ZNF804B: variants seen among roughly 807,000 people sequenced by gnomAD.
ZNF804B encodes the protein zinc finger protein 804B, also known as zinc finger 804B.
ZNF804B carries 80 observed loss-of-function variants against 101.4 expected under a neutral mutation model. That is an observed-to-expected ratio of 0.79 (90% CI 0.66 to 0.95). The LOEUF is 0.95. Ranked by LOEUF, ZNF804B falls within the 40% of genes least tolerant of loss-of-function variation. The pLI is 0.00. For synonymous variants in ZNF804B, 622 were observed against 558.8 expected (o/e 1.11, Z -1.59); for missense variants, 1,673 against 1,561.9 (o/e 1.07, Z -1.20).
intron 1 of ZNF804B, among the ~76,000 whole-genome samples, chr7:88,868,316 A>C (rs1406435306): frequency 4.6e-5 from 7 of 152,062 alleles, no homozygotes; most frequent in Admixed American, 3.9e-4. Context: ...TCATGAACCA[A>C]CTGGGCTATG....
At chr7:88,763,670 C>T (rs28709170) in intron 1 of ZNF804B, among the ~76,000 whole-genome samples, 3,427 of 151,896 alleles carry the variant, frequency 0.023, 118 homozygotes, top group African/African-American at 0.078. Flanking sequence ...TACCTATCCC[C>T]GACTCTATCT....
At chr7:88,935,503 G>C (rs528763024) in intron 1 of ZNF804B, among the ~76,000 whole-genome samples, 1 of 151,830 alleles carries the variant, frequency 6.6e-6, no homozygotes, top group Non-Finnish European at 1.5e-5. Flanking sequence ...GGGCAACATG[G>C]TGAGACCTCA....
At chr7:89,259,176 C>G (rs560399831) in intron 2 of ZNF804B, among the ~76,000 whole-genome samples, 204 of 152,302 alleles carry the variant, frequency 1.3e-3, no homozygotes, top group Non-Finnish European at 1.9e-3. Context: ...TCTTCCTCAT[C>G]ATCTAGCTGT....
chr7:88,869,600 A>G (rs545555666), intron 1 of ZNF804B, among the ~76,000 whole-genome samples: 2 of 152,260 alleles, frequency 1.3e-5, no homozygotes, highest in South Asian at 4.1e-4. Context: ...TTTTAACCAA[A>G]TATATATCAA....
chr7:88,809,342 TCTATCTATCTATCTAC>T (rs1228319160), intron 1 of ZNF804B, among the ~76,000 whole-genome samples: 106 of 138,908 alleles, frequency 7.6e-4, no homozygotes, highest in African/African-American at 2.5e-3. Flanking sequence ...TATCTATCTA[TCTATCTATCTATCTAC>T]CTATCTATCT....
chr7:88,885,152 GT>G (rs1390183791), intron 1 of ZNF804B, among the ~76,000 whole-genome samples: 1 of 151,880 alleles, frequency 6.6e-6, no homozygotes, highest in Non-Finnish European at 1.5e-5. Flanking sequence ...GTAAAATTCA[GT>G]TTATGTACTA....
intron 1 of ZNF804B, among the ~76,000 whole-genome samples, chr7:89,171,445 C>A (rs1217293101): frequency 6.7e-6 from 1 of 150,098 alleles, no homozygotes; most frequent in African/African-American, 2.5e-5. Flanking sequence ...TCTCCTTCTT[C>A]TTCTTCTTCG....
At chr7:89,053,068 A>G (rs937640167) in intron 1 of ZNF804B, among the ~76,000 whole-genome samples, 1 of 152,164 alleles carries the variant, frequency 6.6e-6, no homozygotes, top group Non-Finnish European at 1.5e-5. Flanking sequence ...AATTTAATTC[A>G]GGTATAATTA....
At chr7:89,290,918 T>C (rs1790278807) in intron 2 of ZNF804B, among the ~76,000 whole-genome samples, 1 of 152,114 alleles carries the variant, frequency 6.6e-6, no homozygotes, top group African/African-American at 2.4e-5. Context: ...CCAACCCAGC[T>C]ACAAGTGACT....
At chr7:88,879,339 T>G (rs1270331881) in intron 1 of ZNF804B, among the ~76,000 whole-genome samples, 1 of 152,166 alleles carries the variant, frequency 6.6e-6, no homozygotes, top group Non-Finnish European at 1.5e-5. Flanking sequence ...AAAATCTTAC[T>G]TTTTATGCAC....
At chr7:89,105,222 G>A (rs942170794) in intron 1 of ZNF804B, among the ~76,000 whole-genome samples, 3 of 152,066 alleles carry the variant, frequency 2.0e-5, no homozygotes, top group Admixed American at 1.3e-4. Context: ...GCATGGTCCA[G>A]TCTTAAGGCT....
At chr7:89,008,570 C>T (rs185692637) in intron 1 of ZNF804B, among the ~76,000 whole-genome samples, 132 of 152,314 alleles carry the variant, frequency 8.7e-4, no homozygotes, top group Non-Finnish European at 1.6e-3. Flanking sequence ...CTCAATCACT[C>T]ACTGATTCCA....
intron 1 of ZNF804B, among the ~76,000 whole-genome samples, chr7:89,182,224 T>C (rs918353415): frequency 6.6e-6 from 1 of 152,186 alleles, no homozygotes; most frequent in Non-Finnish European, 1.5e-5. Context: ...GCGTCTAAAA[T>C]TGAGATGCCA....
chr7:89,245,705 C>T (rs1789432381), intron 2 of ZNF804B, among the ~76,000 whole-genome samples: 1 of 152,120 alleles, frequency 6.6e-6, no homozygotes, highest in Admixed American at 6.5e-5. Context: ...TAAATATTAA[C>T]TCTGTGAGGT....
intron 2 of ZNF804B, among the ~76,000 whole-genome samples, chr7:89,259,243 C>T (rs1789677314): frequency 1.3e-5 from 2 of 152,126 alleles, no homozygotes; most frequent in Non-Finnish European, 2.9e-5. Context: ...AGTGTGGTGT[C>T]TATTGGCTCT....
intron 1 of ZNF804B, among the ~76,000 whole-genome samples, chr7:89,145,877 C>A (rs1790784103): frequency 6.6e-6 from 1 of 151,862 alleles, no homozygotes; most frequent in Admixed American, 6.6e-5. Flanking sequence ...TAAAAAAAAG[C>A]TATTTCTTAA....
chr7:88,875,890 A>G (rs1791930321), intron 1 of ZNF804B, among the ~76,000 whole-genome samples: 1 of 152,214 alleles, frequency 6.6e-6, no homozygotes. Context: ...TCCTTGATGA[A>G]CATTGATGCA....
intron 2 of ZNF804B, among the ~76,000 whole-genome samples, chr7:89,292,270 T>C (rs1790309350): frequency 6.6e-6 from 1 of 152,100 alleles, no homozygotes; most frequent in Admixed American, 6.5e-5. Context: ...ACACTGCAAC[T>C]GTGGTGTATA....
intron 2 of ZNF804B, among the ~76,000 whole-genome samples, chr7:89,269,950 G>A (rs1409795557): frequency 6.6e-6 from 1 of 152,096 alleles, no homozygotes; most frequent in Non-Finnish European, 1.5e-5. Context: ...GTTCTTTGTA[G>A]ATTCTGGATA....
Sources: allele counts gnomAD v4.1 joint callset (sites outside exome capture counted in the v4.1 genomes callset), GRCh38; gene constraint gnomAD v4.1.1; transcripts MANE v1.5; gene names NCBI Gene and HGNC (gene_info 2026-07-23, HGNC 2026-07-21).